TRIM50: variants seen among roughly 807,000 people sequenced by gnomAD.
TRIM50 encodes the protein tripartite motif containing 50, also known as E3 ubiquitin-protein ligase TRIM50.
TRIM50 carries 34 observed loss-of-function variants against 44.9 expected under a neutral mutation model. That is an observed-to-expected ratio of 0.76 (90% CI 0.58 to 1.01). The LOEUF is 1.01. TRIM50 is among the 50% of genes least tolerant of loss of function. TRIM50 has a pLI of 0.00. For missense variants in TRIM50, 633 were observed against 663.7 expected, an observed-to-expected ratio of 0.95 and a Z score of 0.51; for synonymous variants, 307 against 291.1, an observed-to-expected ratio of 1.05 and a Z score of -0.56.
intron 5 of TRIM50, among the ~76,000 whole-genome samples, chr7:73,317,895 G>A (rs1804397763): frequency 6.6e-6 from 1 of 152,274 alleles, no homozygotes; most frequent in African/African-American, 2.4e-5. Context: ...AGGGATGCCC[G>A]GTGCTCCTGG....
chr7:73,324,805 GCT>G lies in TRIM50; in HGVS notation c.-18-2_-18-1del. On this transcript the variant is annotated splice_acceptor_variant, in intron 1 of 6. Coordinates refer to ENST00000333149, the MANE Select transcript of TRIM50 (RefSeq NM_178125.3). LOFTEE classifies it low-confidence loss of function (5UTR_SPLICE). The stretch of plus-strand genomic sequence containing the variant: ...CAAGCCATCCACACTCACTGCCCGG[GCT>G]GAAACACAGGCATCCGACCTCAGTC... 6.2e-7 allele frequency: 1 copy of G among 1,613,252 alleles called. No individual in the cohort carries two copies. Among genetic ancestry groups the G allele is most frequent in the Non-Finnish European group, 8.5e-7 (1 of 1,179,974 alleles).
At position 73,324,351 on chromosome 7, in the gene TRIM50, C is replaced by T. The variant is rs781823996; in HGVS notation, c.399+38G>A. On this transcript the variant is annotated intron_variant, in intron 2 of 6. Transcript: ENST00000333149. ...CAGAGAGCACAGGATCTGGTCCCCGCGGGCCTCTCCAGCCGCCCCTGCACC... is the reference window on the plus strand; with the variant it reads ...CAGAGAGCACAGGATCTGGTCCCCGTGGGCCTCTCCAGCCGCCCCTGCACC... 5.1e-5 allele frequency: 82 copies of T among 1,613,786 alleles called. No homozygotes were observed. The African/African-American group carries it at 7.2e-4, about 14-fold the overall frequency.
rs782489595 is a variant in TRIM50, at chr7:73,324,415, CGGG to C, written c.370_372del (p.Pro124del). On this transcript the variant is annotated inframe_deletion, in exon 2 of 7. Coordinates refer to ENST00000333149, the MANE Select transcript of TRIM50 (RefSeq NM_178125.3). ...TTCATGCGGCTGTAGACGGTGGAGA[CGGG>C]CGTGACCGGGTGGTGTTGGTGGGAG... is the stretch of plus-strand genomic sequence containing the variant. 1.5e-5 allele frequency: 24 copies of C among 1,613,624 alleles called. No individual in the cohort carries two copies. The highest frequency in any genetic ancestry group is 1.9e-5 in the Non-Finnish European group (23 of 1,180,014).
chr7:73,318,996 G>A lies in TRIM50; in HGVS notation c.552C>T (p.His184=). Residue 184 remains histidine (H), a synonymous_variant, in exon 4 of 7, where the codon CAC becomes CAT. Coordinates refer to ENST00000333149, the MANE Select transcript of TRIM50 (RefSeq NM_178125.3). ...VIRREFQELH[H]LVDEEKARCL... The stretch of plus-strand genomic sequence containing the variant: ...AGCGGGCCTTCTCCTCATCCACCAG[G>A]TGGTGCAGCTCCTGGAACTCGCGGC... The A allele has an allele frequency of 6.2e-7, 1 of 1,614,022 alleles. No homozygotes were observed. Among genetic ancestry groups the A allele is most frequent in the Non-Finnish European group, 8.5e-7 (1 of 1,179,866 alleles).
In TRIM50 at chr7:73,313,637, A is replaced by G; in HGVS notation, c.875-127T>C. ...GTGTCTTCCTCATCTCTCTAGCCCCAGGGTCTAGAAGGGGCCAGTACAGGG... is the reference window on the plus strand; with the variant it reads ...GTGTCTTCCTCATCTCTCTAGCCCCGGGGTCTAGAAGGGGCCAGTACAGGG... On this transcript the variant is annotated intron_variant, in intron 6 of 6. Transcript: ENST00000333149. The surrounding 1 kb of genome is among the most constrained non-coding windows in gnomAD (Gnocchi z 4.9). 1 of 700,800 alleles carries G rather than the reference A, an allele frequency of 1.4e-6. No homozygotes were observed. Among genetic ancestry groups the G allele is most frequent in the South Asian group, 1.9e-5 (1 of 51,444 alleles). 43.4% of individuals were successfully genotyped at this position (700,800 alleles called of 1,614,324 possible). A position where few individuals can be genotyped will look rare whatever the true frequency, so the allele number is the denominator to read the frequency against.
At position 73,313,399 on chromosome 7, in the gene TRIM50, G is replaced by A; in HGVS notation, c.986C>T (p.Pro329Leu). The A allele has an allele frequency of 6.3e-7, 1 of 1,582,870 alleles. No homozygotes were observed. Among genetic ancestry groups the A allele is most frequent in the Non-Finnish European group, 8.6e-7 (1 of 1,167,686 alleles). The change falls in exon 7 of 7, where the codon CCT becomes CTT. Residue 329 changes from proline (P) to leucine (L), a missense_variant. By Grantham distance (98) the Pro-to-Leu change is moderately conservative. Coordinates refer to ENST00000333149, the MANE Select transcript of TRIM50 (RefSeq NM_178125.3). The surrounding 1 kb of genome is among the most constrained non-coding windows in gnomAD (Gnocchi z 4.9). ...GLLAQRRASQ[P>L]ERFDYSTCVL... is the part of the protein sequence containing the mutation. ...GCAGGTGCTGTAGTCGAAGCGCTCAGGCTGGCTGGCTCGCCGCTGGGCCAG... is the reference window on the plus strand; with the variant it reads ...GCAGGTGCTGTAGTCGAAGCGCTCAAGCTGGCTGGCTCGCCGCTGGGCCAG...
chr7:73,328,045 C>G lies in TRIM50; in HGVS notation c.-164G>C, dbSNP rs80274720. 3.4e-5 allele frequency: 25 copies of G among 734,496 alleles called. No homozygotes were observed. The African/African-American group carries it at 4.2e-4, about 12-fold the overall frequency. The allele number at this position is 734,496 out of a possible 1,614,324, so 45.5% of individuals were successfully genotyped here. On this transcript the variant is annotated 5_prime_UTR_variant, in exon 1 of 7. Coordinates refer to ENST00000333149, the MANE Select transcript of TRIM50 (RefSeq NM_178125.3). ...ATGACCCGCACGCTATGGTTACATG[C>G]CCCGCCTCGCGCTACCGCGCGTGCC... is the stretch of plus-strand genomic sequence containing the variant.
chr7:73,320,373 C>T (rs1804467642), intron 2 of TRIM50, 131 bp from the exon 3 acceptor site: 1 of 1,324,058 alleles, frequency 7.6e-7, no homozygotes. Context: ...CCAGAGCCAC[C>T]CAGGTACCCT....
chr7:73,320,793 C>T (rs182781294), intron 2 of TRIM50, among the ~76,000 whole-genome samples: 2,699 of 151,862 alleles, frequency 0.018, 43 homozygotes, highest in Non-Finnish European at 0.029. Flanking sequence ...TTTGGGAGGC[C>T]GAGGCGAGTG....
At position 73,313,101 on chromosome 7, in the gene TRIM50, G is replaced by T. The variant is rs375802632; in HGVS notation, c.1284C>A (p.Phe428Leu). Residue 428 changes from phenylalanine (F) to leucine (L), a missense_variant, in exon 7 of 7, where the codon TTC (phenylalanine) becomes TTA (leucine). Physicochemically the swap from Phe to Leu is conservative, Grantham distance 22. Coordinates refer to ENST00000333149, the MANE Select transcript of TRIM50 (RefSeq NM_178125.3). This position sits in a 1 kb window ranked among gnomAD's most constrained non-coding sequence, Gnocchi z 4.9. ...LHYEQGELTF[F>L]DADRPDDLRP... ...GCAGGTCATCGGGGCGGTCGGCATCGAAGAAGGTGAGTTCGCCCTGCTCAT... is the reference window on the plus strand; with the variant it reads ...GCAGGTCATCGGGGCGGTCGGCATCTAAGAAGGTGAGTTCGCCCTGCTCAT... 6.3e-7 allele frequency: 1 copy of T among 1,593,944 alleles called. No homozygotes were observed. Among genetic ancestry groups the T allele is most frequent in the Non-Finnish European group, 8.5e-7 (1 of 1,170,876 alleles).
chr7:73,323,708 C>T (rs189517265), intron 2 of TRIM50, among the ~76,000 whole-genome samples: 2 of 152,284 alleles, frequency 1.3e-5, no homozygotes, highest in Admixed American at 1.3e-4. Flanking sequence ...AAGTCCCCAC[C>T]CTCATGCACC....
At chr7:73,320,711 T>TA (rs1380642207) in intron 2 of TRIM50, among the ~76,000 whole-genome samples, 2 of 145,426 alleles carry the variant, frequency 1.4e-5, no homozygotes, top group African/African-American at 5.1e-5. Flanking sequence ...AAAATAAAAA[T>TA]AAAAAATAAG....
intron 6 of TRIM50, among the ~76,000 whole-genome samples, chr7:73,315,637 G>A (rs1804339261): frequency 1.3e-5 from 2 of 152,176 alleles, no homozygotes; most frequent in African/African-American, 2.4e-5. Context: ...TTGCAGGCGT[G>A]AGCCGCCGTG....
chr7:73,314,112 G>T (rs1276224589), intron 6 of TRIM50: 1 of 266,098 alleles, frequency 3.8e-6, no homozygotes, highest in Non-Finnish European at 7.3e-6. Flanking sequence ...CCAAGTTGCC[G>T]CAAGGAAAGA....
Position 73,313,289 on chromosome 7 carries a change from T to G in TRIM50, c.1096A>C (p.Ile366Leu). Residue 366 changes from isoleucine to leucine, a missense_variant, in exon 7 of 7, where the codon ATC becomes CTC. Coordinates refer to ENST00000333149, the MANE Select transcript of TRIM50 (RefSeq NM_178125.3). This position sits in a 1 kb window ranked among gnomAD's most constrained non-coding sequence, Gnocchi z 4.9. Reference sequence around the variant, plus strand: ...CCCTTACGGCTGGCTGTGCCCTTGATGACCCCCAGGCGCCAGTCGCTCTTG... The same window carrying G: ...CCCTTACGGCTGGCTGTGCCCTTGAGGACCCCCAGGCGCCAGTCGCTCTTG... ...GSKSDWRLGV[I>L]KGTASRKGKL... 6.2e-7 allele frequency: 1 copy of G among 1,605,484 alleles called. No homozygotes were observed. The highest frequency in any genetic ancestry group is 2.2e-5 in the East Asian group (1 of 44,512).
intron 2 of TRIM50, among the ~76,000 whole-genome samples, chr7:73,323,526 G>A (rs1554545361): frequency 1.3e-5 from 2 of 152,186 alleles, no homozygotes; most frequent in Non-Finnish European, 2.9e-5. Context: ...TTTATAACAG[G>A]TGTTTTATAT....
intron 1 of TRIM50, 146 bp from the exon 2 acceptor site, chr7:73,324,951 G>A: frequency 1.4e-6 from 2 of 1,401,662 alleles, no homozygotes; most frequent in Non-Finnish European, 1.9e-6. Flanking sequence ...CATGACCTTG[G>A]GCCCCAGTTT....
intron 5 of TRIM50, among the ~76,000 whole-genome samples, chr7:73,317,557 C>T (rs1554544314): frequency 1.3e-5 from 2 of 151,912 alleles, no homozygotes; most frequent in Non-Finnish European, 2.9e-5. Flanking sequence ...GGGGTTTCAC[C>T]ATGTTGGCTG....
At chr7:73,319,082 G>A (rs1174564846) in intron 3 of TRIM50, 30 bp from the exon 4 acceptor site, 3 of 1,613,912 alleles carry the variant, frequency 1.9e-6, no homozygotes, top group Non-Finnish European at 2.5e-6. Flanking sequence ...TCACTGCAGA[G>A]TCACAGCCGA....
Sources: allele counts gnomAD v4.1 joint callset (sites outside exome capture counted in the v4.1 genomes callset), GRCh38; gene constraint gnomAD v4.1.1; non-coding constraint Gnocchi (gnomAD v3.1); transcripts MANE v1.5; gene names NCBI Gene and HGNC (gene_info 2026-07-23, HGNC 2026-07-21).